NRXN1: variants seen among roughly 807,000 people sequenced by gnomAD.
NRXN1 encodes neurexin 1.
In NRXN1, 39 loss-of-function variants were observed where a neutral mutation model predicts 150.9. The observed-to-expected ratio is 0.26, with a 90% CI of 0.20 to 0.34. The LOEUF (loss-of-function observed/expected upper bound fraction) is 0.34, where lower values mean the gene tolerates loss of function less well. Among genes scored for constraint, NRXN1 ranks in the 10% least tolerant of loss-of-function variants. The pLI is 1.00. For missense variants in NRXN1, 1,815 were observed against 1,949.9 expected (o/e 0.93, Z 1.30); for synonymous variants, 924 against 757.0 (o/e 1.22, Z -3.62).
intron 5 of NRXN1, among the ~76,000 whole-genome samples, chr2:50,877,555 T>C (rs1678789372): frequency 6.6e-6 from 1 of 152,006 alleles, no homozygotes; most frequent in Non-Finnish European, 1.5e-5. Context: ...TCATTTACAA[T>C]TGAACACTAA....
At chr2:50,169,163 T>C (rs1413638110) in intron 18 of NRXN1, among the ~76,000 whole-genome samples, 2 of 152,154 alleles carry the variant, frequency 1.3e-5, no homozygotes, top group African/African-American at 2.4e-5. Flanking sequence ...TTTCACAAAT[T>C]AGGAATCTCA....
At chr2:50,672,326 GT>G (rs1019819227) in intron 5 of NRXN1, among the ~76,000 whole-genome samples, 1 of 150,738 alleles carries the variant, frequency 6.6e-6, no homozygotes, top group African/African-American at 2.4e-5. Flanking sequence ...GTTTTTGTTT[GT>G]TTTTTAAAGT....
chr2:50,840,476 CAG>C (rs966226902), intron 5 of NRXN1, among the ~76,000 whole-genome samples: 65 of 152,208 alleles, frequency 4.3e-4, no homozygotes, highest in African/African-American at 5.5e-4. Flanking sequence ...CCAGATGGTG[CAG>C]AGAGATTATG....
At chr2:50,822,796 T>C (rs942151437) in intron 5 of NRXN1, among the ~76,000 whole-genome samples, 1 of 152,170 alleles carries the variant, frequency 6.6e-6, no homozygotes, top group African/African-American at 2.4e-5. Flanking sequence ...ATAATAATAA[T>C]AGAGTTAAGG....
At chr2:50,071,654 T>C (rs1400296154) in intron 19 of NRXN1, among the ~76,000 whole-genome samples, 1 of 152,242 alleles carries the variant, frequency 6.6e-6, no homozygotes, top group African/African-American at 2.4e-5. Context: ...TAAATTTCTC[T>C]CATTTAAGCT....
chr2:50,943,431 C>G (rs765272190), intron 2 of NRXN1, among the ~76,000 whole-genome samples: 12 of 152,134 alleles, frequency 7.9e-5, no homozygotes, highest in Non-Finnish European at 1.3e-4. Context: ...GGTTAAGCTG[C>G]TAATAAGTGT....
chr2:50,026,058 G>A (rs1011232379), intron 21 of NRXN1, among the ~76,000 whole-genome samples: 6 of 152,128 alleles, frequency 3.9e-5, no homozygotes, highest in African/African-American at 1.4e-4. Flanking sequence ...ATGGCTTGCA[G>A]ACATGGCATA....
chr2:49,942,248 G>A (rs1672107220), intron 22 of NRXN1, among the ~76,000 whole-genome samples: 1 of 152,094 alleles, frequency 6.6e-6, no homozygotes, highest in Non-Finnish European at 1.5e-5. Flanking sequence ...AAGAGGACCA[G>A]AGCATACCCA....
At chr2:50,483,050 CAAAAAAAAA>C (rs70948712) in intron 15 of NRXN1, among the ~76,000 whole-genome samples, 9 of 75,406 alleles carry the variant, frequency 1.2e-4, no homozygotes, top group African/African-American at 1.5e-4. Flanking sequence ...GACTCCGTGT[CAAAAAAAAA>C]AAAAAAAAAA....
At chr2:50,972,960 G>T (rs1016183188) in intron 2 of NRXN1, among the ~76,000 whole-genome samples, 5 of 152,194 alleles carry the variant, frequency 3.3e-5, no homozygotes, top group African/African-American at 9.6e-5. Flanking sequence ...CACAAAGTTT[G>T]TAAATTAACT....
chr2:50,627,795 T>A (rs1386628760), intron 5 of NRXN1, among the ~76,000 whole-genome samples: 1 of 151,678 alleles, frequency 6.6e-6, no homozygotes, highest in Non-Finnish European at 1.5e-5. Flanking sequence ...TATATGACCC[T>A]CAAATTCATA....
intron 2 of NRXN1, among the ~76,000 whole-genome samples, chr2:50,929,080 G>C (rs1033348116): frequency 1.3e-5 from 2 of 152,020 alleles, no homozygotes; most frequent in Admixed American, 1.3e-4. Flanking sequence ...CTGACAAGAA[G>C]GCAAGCAACA....
At chr2:50,053,098 C>T (rs1373815135) in intron 21 of NRXN1, among the ~76,000 whole-genome samples, 173 bp downstream of exon 21, 5 of 152,138 alleles carry the variant, frequency 3.3e-5, no homozygotes, top group Non-Finnish European at 1.5e-5. Flanking sequence ...TAATGAACAA[C>T]ATACACACAT....
intron 21 of NRXN1, among the ~76,000 whole-genome samples, chr2:50,036,914 A>T (rs980752529): frequency 1.3e-5 from 2 of 152,186 alleles, no homozygotes; most frequent in Non-Finnish European, 1.5e-5. Context: ...AGTTGAGATC[A>T]GCTAAACCTA....
intron 5 of NRXN1, among the ~76,000 whole-genome samples, chr2:50,870,559 C>A (rs1357648224): frequency 6.6e-6 from 1 of 151,954 alleles, no homozygotes; most frequent in African/African-American, 2.4e-5. Flanking sequence ...TTGCATAAAT[C>A]TTCCAGTTTA....
intron 15 of NRXN1, 143 bp from the exon 16 acceptor site, chr2:50,472,614 G>T (rs916261413): frequency 8.1e-6 from 5 of 615,254 alleles, no homozygotes; most frequent in East Asian, 2.8e-5. Flanking sequence ...TCCCCAAAGT[G>T]CTAAACAATA....
intron 8 of NRXN1, among the ~76,000 whole-genome samples, chr2:50,607,884 C>T (rs184562912): frequency 6.6e-6 from 1 of 151,958 alleles, no homozygotes; most frequent in Admixed American, 6.6e-5. Flanking sequence ...CACATCATTC[C>T]AAGACTGCAG....
intron 17 of NRXN1, among the ~76,000 whole-genome samples, chr2:50,242,714 C>A (rs1181552876): frequency 6.6e-6 from 1 of 151,260 alleles, no homozygotes; most frequent in Non-Finnish European, 1.5e-5. Context: ...GACAAAGATG[C>A]CAGGAAAAGA....
At chr2:50,078,284 G>A (rs1299750514) in intron 19 of NRXN1, among the ~76,000 whole-genome samples, 7 of 151,436 alleles carry the variant, frequency 4.6e-5, no homozygotes, top group African/African-American at 1.7e-4. Context: ...ATTACACAAA[G>A]GCATTATGTT....
Sources: allele counts gnomAD v4.1 joint callset (sites outside exome capture counted in the v4.1 genomes callset), GRCh38; gene constraint gnomAD v4.1.1; transcripts MANE v1.5; gene names NCBI Gene and HGNC (gene_info 2026-07-23, HGNC 2026-07-21).